The following KHDC1 variants were observed in gnomAD, a reference collection of about 807,000 sequenced individuals.
KHDC1 encodes the protein KH domain containing 1.
A neutral mutation model predicts 24.7 loss-of-function variants in KHDC1; 21 were observed. That is an observed-to-expected ratio of 0.85 (90% CI 0.60 to 1.23). The LOEUF is 1.23. KHDC1 is among the 50% of genes most tolerant of loss of function. The pLI is 0.00. For missense variants in KHDC1, 274 were observed against 298.5 expected (o/e 0.92, Z 0.61); for synonymous variants, 98 against 111.7 (o/e 0.88, Z 0.77).
chr6:73,308,605 G>A (rs936192434), intron 1 of KHDC1, among the ~76,000 whole-genome samples: 2 of 151,342 alleles, frequency 1.3e-5, no homozygotes, highest in East Asian at 2.0e-4. Flanking sequence ...GACCTCCCCG[G>A]GCTCAGGTGA....
intron 1 of KHDC1, among the ~76,000 whole-genome samples, chr6:73,306,944 G>C (rs1767977170): frequency 6.6e-6 from 1 of 152,192 alleles, no homozygotes; most frequent in African/African-American, 2.4e-5. Context: ...AGGAGGCAGA[G>C]ATGGCAGTGA....
chr6:73,309,675 CA>C lies in KHDC1; in HGVS notation c.39del (p.Phe13LeufsTer2). 1 of 1,550,120 alleles carries C rather than the reference CA, an allele frequency of 6.5e-7. No individual in the cohort carries two copies. Among genetic ancestry groups the C allele is most frequent in the Non-Finnish European group, 8.7e-7 (1 of 1,146,816 alleles). On this transcript the variant is annotated frameshift_variant, in exon 1 of 5. Coordinates refer to ENST00000370384, the Ensembl canonical transcript of KHDC1. LOFTEE classifies it high-confidence loss of function. ...CCGTATTCTGAGACTGTTTCAATCA[CA>C]AATAAGACTCGGAACAGCCTCTGGA...
intron 2 of KHDC1, chr6:73,290,655 C>A: frequency 2.0e-6 from 1 of 489,018 alleles, no homozygotes; most frequent in Admixed American, 2.2e-5. Context: ...GGAATACTAG[C>A]TAGTGGGCTG....
intron 2 of KHDC1, among the ~76,000 whole-genome samples, chr6:73,258,877 C>T (rs1191857704): frequency 6.6e-6 from 1 of 152,230 alleles, no homozygotes; most frequent in East Asian, 1.9e-4. Context: ...GTGAGCTGCT[C>T]ATCCAGCAGA....
At chr6:73,241,973 C>A in intron 4 of KHDC1, 82 bp downstream of exon 3, 1 of 1,439,902 alleles carries the variant, frequency 6.9e-7, no homozygotes, top group Non-Finnish European at 9.4e-7. Flanking sequence ...ACAAGGGATT[C>A]TTCAAGAATC....
chr6:73,288,225 T>C (rs1562257104), intron 2 of KHDC1, among the ~76,000 whole-genome samples: 1 of 152,192 alleles, frequency 6.6e-6, no homozygotes, highest in Admixed American at 6.5e-5. Flanking sequence ...AGGTGTGGTG[T>C]TTTTATTAGA....
At chr6:73,262,818 C>A (rs1398880454) in intron 2 of KHDC1, 3 of 985,492 alleles carry the variant, frequency 3.0e-6, no homozygotes, top group Admixed American at 1.2e-4. Flanking sequence ...CTGACTCAAC[C>A]AATGAGGAAA....
At chr6:73,276,981 CTTTTCAAT>C (rs1767310886) in intron 2 of KHDC1, among the ~76,000 whole-genome samples, 1 of 152,166 alleles carries the variant, frequency 6.6e-6, no homozygotes, top group Non-Finnish European at 1.5e-5. Context: ...GTTGGTTCAG[CTTTTCAAT>C]TTTTTTGTGT....
At chr6:73,281,326 G>A (rs1283686515) in intron 2 of KHDC1, among the ~76,000 whole-genome samples, 8 of 147,090 alleles carry the variant, frequency 5.4e-5, no homozygotes, top group African/African-American at 2.0e-4. Flanking sequence ...GTGACAGAAC[G>A]AGACTCTCTC....
rs761914474 is a variant in KHDC1, at chr6:73,242,202, G to A, written c.367C>T (p.His123Tyr). 5.6e-6 allele frequency: 9 copies of A among 1,613,854 alleles called. No homozygotes were observed. In the East Asian group the frequency reaches 8.9e-5, roughly 16 times the overall value. ...TCCAGCTGAATAAGGGTGTGGCTGT[G>A]CACCTCAATGCAGCGAAGGTATGTG... The change falls in exon 4 of 5, where the codon CAC becomes TAC. Residue 123 changes from histidine (H) to tyrosine (Y), a missense_variant. Coordinates refer to ENST00000370384, the Ensembl canonical transcript of KHDC1.
intron 2 of KHDC1, chr6:73,263,035 A>G: frequency 1.0e-6 from 1 of 991,388 alleles, no homozygotes; most frequent in South Asian, 3.6e-5. Flanking sequence ...CCACTCCCTG[A>G]GTAGGGCGGC....
At chr6:73,286,882 C>A (rs76611206) in intron 2 of KHDC1, among the ~76,000 whole-genome samples, 143 of 141,568 alleles carry the variant, frequency 1.0e-3, no homozygotes, top group Middle Eastern at 3.5e-3. Context: ...GACTCTGTCT[C>A]AAAAAAAAAA....
chr6:73,267,408 G>C (rs1313962075), intron 2 of KHDC1, among the ~76,000 whole-genome samples: 1 of 152,108 alleles, frequency 6.6e-6, no homozygotes, highest in East Asian at 1.9e-4. Flanking sequence ...GCTTGAACCT[G>C]GGAGATAGAG....
At chr6:73,265,091 T>A (rs1206982934) in intron 2 of KHDC1, among the ~76,000 whole-genome samples, 2 of 152,138 alleles carry the variant, frequency 1.3e-5, no homozygotes, top group African/African-American at 2.4e-5. Flanking sequence ...CAGAACAAAT[T>A]TCTAAGACCT....
chr6:73,300,544 A>G (rs1248674959), intron 1 of KHDC1: 1 of 152,106 alleles, frequency 6.6e-6, no homozygotes, highest in African/African-American at 2.4e-5. Context: ...CCACCACTAG[A>G]CTATGAACTC....
chr6:73,278,331 T>A (rs771238717), intron 2 of KHDC1, among the ~76,000 whole-genome samples: 1 of 152,042 alleles, frequency 6.6e-6, no homozygotes, highest in Non-Finnish European at 1.5e-5. Flanking sequence ...TGCCTTCTCA[T>A]GTCCTTTGCC....
At chr6:73,284,330 T>C (rs1292157517) in intron 2 of KHDC1, among the ~76,000 whole-genome samples, 1 of 152,236 alleles carries the variant, frequency 6.6e-6, no homozygotes, top group Non-Finnish European at 1.5e-5. Context: ...ATCTTTTGAA[T>C]TGTTTTTCAA....
chr6:73,256,229 C>T (rs1415436353), intron 2 of KHDC1, among the ~76,000 whole-genome samples: 1 of 152,144 alleles, frequency 6.6e-6, no homozygotes, highest in Non-Finnish European at 1.5e-5. Flanking sequence ...CAAATAATTA[C>T]TTAGTGCCTA....
intron 2 of KHDC1, among the ~76,000 whole-genome samples, chr6:73,288,692 C>T (rs1767567204): frequency 6.7e-6 from 1 of 150,250 alleles, no homozygotes; most frequent in Non-Finnish European, 1.5e-5. Flanking sequence ...GAGCCAGAGG[C>T]AGAGGATCAC....
Sources: gnomAD v4.1 joint callset for allele counts (sites outside exome capture counted in the v4.1 genomes callset) on GRCh38, gnomAD v4.1.1 for gene constraint, MANE v1.5 for transcripts, NCBI Gene and HGNC (gene_info 2026-07-23, HGNC 2026-07-21) for gene names.